Variants in SOX6 observed in about 807,000 individuals in gnomAD.
SOX6 encodes transcription factor SOX-6.
SOX6 carries 11 observed loss-of-function variants against 97.8 expected under a neutral mutation model. The observed-to-expected ratio is 0.11, with a 90% CI of 0.07 to 0.19. SOX6 has a LOEUF of 0.19. Ranked by LOEUF, SOX6 falls within the 10% of genes least tolerant of loss-of-function variation. SOX6 has a pLI of 1.00. For synonymous variants in SOX6, 360 were observed against 371.4 expected (o/e 0.97, Z 0.35); for missense variants, 810 against 1,039.5 (o/e 0.78, Z 3.04).
intron 9 of SOX6, among the ~76,000 whole-genome samples, chr11:16,084,236 A>G (rs1564945648): frequency 6.6e-6 from 1 of 152,044 alleles, no homozygotes; most frequent in Non-Finnish European, 1.5e-5. Flanking sequence ...ATACATACAC[A>G]CACATCTCAA....
intron 6 of SOX6, among the ~76,000 whole-genome samples, chr11:16,124,674 T>TG (rs1849567230): frequency 6.6e-6 from 1 of 151,892 alleles, no homozygotes; most frequent in South Asian, 2.1e-4. Context: ...GAAAGACAGG[T>TG]GGAGATCAGG....
intron 3 of SOX6, among the ~76,000 whole-genome samples, chr11:16,638,930 C>T (rs1848843237): frequency 6.6e-6 from 1 of 152,172 alleles, no homozygotes; most frequent in South Asian, 2.1e-4. Flanking sequence ...TTAATTAGAT[C>T]CCATTTGTCA....
chr11:16,208,535 A>T (rs1048543662), intron 4 of SOX6, among the ~76,000 whole-genome samples: 1 of 152,232 alleles, frequency 6.6e-6, no homozygotes. Flanking sequence ...TTTTACTTGA[A>T]AAAATGACTG....
rs564118925 is a variant in SOX6, at chr11:16,457,858, G to A, written c.-5+18457C>T. Among the ~76,000 whole-genome samples the A allele has an allele frequency of 3.5e-4, 53 of 152,094 alleles. 1 individual carries two copies. In the South Asian group the frequency reaches 7.9e-3, roughly 23 times the overall value. On this transcript the variant is annotated intron_variant, in intron 1 of 15. Transcript: ENST00000396356. ...ATACTGACTCACACAATTGCATTTT[G>A]TAATGTTACCAATGTTATCATGTAT...
intron 11 of SOX6, among the ~76,000 whole-genome samples, chr11:16,048,578 T>C (rs555344454): frequency 1.3e-5 from 2 of 152,298 alleles, no homozygotes; most frequent in East Asian, 3.9e-4. Flanking sequence ...ATGTATGTAT[T>C]TGTACAATAA....
At chr11:16,271,890 T>G (rs1326955390) in intron 3 of SOX6, among the ~76,000 whole-genome samples, 3 of 151,030 alleles carry the variant, frequency 2.0e-5, no homozygotes, top group African/African-American at 7.2e-5. Flanking sequence ...TTTTCTTTGG[T>G]TCATTGGTGA....
intron 4 of SOX6, among the ~76,000 whole-genome samples, chr11:16,211,493 AG>A (rs1324853408): frequency 6.6e-6 from 1 of 152,088 alleles, no homozygotes; most frequent in African/African-American, 2.4e-5. Context: ...ATATGGGGCA[AG>A]GTTTAAGGAA....
intron 3 of SOX6, among the ~76,000 whole-genome samples, chr11:16,266,825 A>G (rs1385650165): frequency 1.3e-5 from 2 of 151,556 alleles, no homozygotes; most frequent in Non-Finnish European, 3.0e-5. Flanking sequence ...GTATTATTTT[A>G]AAAATCAAAA....
chr11:16,007,819 G>T (rs1854602789), intron 13 of SOX6, among the ~76,000 whole-genome samples: 1 of 152,124 alleles, frequency 6.6e-6, no homozygotes, highest in Admixed American at 6.6e-5. Flanking sequence ...TGGTTTATGT[G>T]AAGCAGACAT....
chr11:16,147,854 A>G (rs561424687), intron 6 of SOX6, among the ~76,000 whole-genome samples: 55 of 152,298 alleles, frequency 3.6e-4, no homozygotes, highest in Admixed American at 2.5e-3. Flanking sequence ...TCTGTTATTC[A>G]GTGTGAAATT....
chr11:16,501,421 C>T (rs1197025105), intron 4 of SOX6, among the ~76,000 whole-genome samples: 1 of 152,188 alleles, frequency 6.6e-6, no homozygotes, highest in Non-Finnish European at 1.5e-5. Flanking sequence ...GTGTCTAAAA[C>T]ACCAAATGCA....
At chr11:16,126,815 G>C (rs1425694168) in intron 6 of SOX6, among the ~76,000 whole-genome samples, 1 of 152,092 alleles carries the variant, frequency 6.6e-6, no homozygotes, top group Non-Finnish European at 1.5e-5. Context: ...TATACAGAAA[G>C]CATGTTCTCC....
chr11:16,725,896 C>T (rs555450898), intron 2 of SOX6, among the ~76,000 whole-genome samples: 1 of 152,154 alleles, frequency 6.6e-6, no homozygotes, highest in East Asian at 1.9e-4. Flanking sequence ...TTATTCTGTA[C>T]TAATTTTAGA....
At chr11:16,670,857 A>G (rs571413806) in intron 3 of SOX6, among the ~76,000 whole-genome samples, 3 of 152,288 alleles carry the variant, frequency 2.0e-5, no homozygotes, top group South Asian at 2.1e-4. Context: ...GTGCAAAGCC[A>G]TGAACTACAG....
chr11:16,586,035 C>T (rs796870721), intron 4 of SOX6, among the ~76,000 whole-genome samples: 5 of 152,184 alleles, frequency 3.3e-5, no homozygotes, highest in African/African-American at 1.2e-4. Context: ...TCAGTCTTTT[C>T]AATAGTACAT....
At chr11:16,030,153 A>C (rs1219693504) in intron 12 of SOX6, among the ~76,000 whole-genome samples, 1 of 152,182 alleles carries the variant, frequency 6.6e-6, no homozygotes, top group Non-Finnish European at 1.5e-5. Flanking sequence ...ATGTGACATG[A>C]AGGGGTGGAT....
chr11:16,309,962 A>C (rs1403002710), intron 3 of SOX6, among the ~76,000 whole-genome samples: 3 of 152,118 alleles, frequency 2.0e-5, no homozygotes, highest in Non-Finnish European at 2.9e-5. Context: ...CTTTCTAAAC[A>C]ACAAAATGCC....
intron 3 of SOX6, among the ~76,000 whole-genome samples, chr11:16,660,461 C>T (rs945114460): frequency 6.6e-6 from 1 of 152,068 alleles, no homozygotes; most frequent in Non-Finnish European, 1.5e-5. Flanking sequence ...GAGCATGTTT[C>T]GTAAGGTTTC....
intron 9 of SOX6, among the ~76,000 whole-genome samples, chr11:16,073,063 A>C (rs1051379668): frequency 6.6e-5 from 10 of 152,206 alleles, no homozygotes; most frequent in African/African-American, 1.4e-4. Flanking sequence ...ACCAGCTAAC[A>C]ATATGATGAT....
Sources: allele counts gnomAD v4.1 joint callset (sites outside exome capture counted in the v4.1 genomes callset), GRCh38; gene constraint gnomAD v4.1.1; transcripts MANE v1.5; gene names NCBI Gene and HGNC (gene_info 2026-07-23, HGNC 2026-07-21).